Variants in DAB1 observed in about 807,000 individuals in gnomAD.
The protein encoded by DAB1 is disabled homolog 1.
A neutral mutation model predicts 64.6 loss-of-function variants in DAB1; 15 were observed. The ratio of observed to expected loss-of-function variants is 0.23; its 90% confidence interval spans 0.16 to 0.36. The LOEUF (loss-of-function observed/expected upper bound fraction) is 0.36, where lower values mean the gene tolerates loss of function less well. DAB1 is among the 10% of genes least tolerant of loss of function. DAB1 has a pLI of 1.00. For missense variants in DAB1, 596 were observed against 706.7 expected, an observed-to-expected ratio of 0.84 and a Z score of 1.78; for synonymous variants, 235 against 251.9, an observed-to-expected ratio of 0.93 and a Z score of 0.64.
chr1:58,042,254 T>C (rs572767226), intron 5 of DAB1, among the ~76,000 whole-genome samples: 4 of 152,368 alleles, frequency 2.6e-5, no homozygotes, highest in Middle Eastern at 3.4e-3. Flanking sequence ...GAAGCAGGTA[T>C]GATTTAAAGA....
chr1:57,483,539 G>A (rs544907262), intron 7 of DAB1, among the ~76,000 whole-genome samples: 6 of 152,128 alleles, frequency 3.9e-5, no homozygotes, highest in East Asian at 3.9e-4. Context: ...ACCCAGTCTC[G>A]GGTATGTCTT....
chr1:57,647,839 A>G (rs187957772), intron 7 of DAB1, among the ~76,000 whole-genome samples: 122 of 152,348 alleles, frequency 8.0e-4, no homozygotes, highest in Non-Finnish European at 8.5e-4. Flanking sequence ...TCACAGGGGC[A>G]TAATGGCAGA....
intron 1 of DAB1, among the ~76,000 whole-genome samples, chr1:57,370,621 A>C (rs1680421655): frequency 6.6e-6 from 1 of 152,076 alleles, no homozygotes; most frequent in Non-Finnish European, 1.5e-5. Flanking sequence ...CAGAGAAAAA[A>C]AAAAAAACGT....
rs1644204654 is a variant in DAB1 at position 58,365,111 on chromosome 1, G to A, written n.258-21708C>T. Among the ~76,000 whole-genome samples the A allele has an allele frequency of 2.6e-5, 4 of 152,152 alleles. No individual in the cohort carries two copies. In the South Asian group the frequency reaches 8.3e-4, roughly 32 times the overall value. The stretch of plus-strand genomic sequence containing the variant: ...AAATTAGGTTCAATTACTCCAATCA[G>A]TACATTAACCTCCTTCTCTTCTTGG... On this transcript the variant is annotated intron_variant and non_coding_transcript_variant, in intron 3 of 20. Coordinates refer to the DAB1 transcript ENST00000485760.
intron 7 of DAB1, among the ~76,000 whole-genome samples, chr1:57,483,424 T>A (rs1430018171): frequency 6.6e-6 from 1 of 152,200 alleles, no homozygotes; most frequent in Non-Finnish European, 1.5e-5. Context: ...CATTCTCTCT[T>A]GTCTGCTGCC....
chr1:58,498,920 A>G (rs1645849752), intron 3 of DAB1, among the ~76,000 whole-genome samples: 1 of 152,214 alleles, frequency 6.6e-6, no homozygotes, highest in African/African-American at 2.4e-5. Flanking sequence ...TAAATAATTT[A>G]AAGTAAATAC....
At chr1:58,115,911 C>T (rs189266656) in intron 5 of DAB1, among the ~76,000 whole-genome samples, 2,058 of 133,666 alleles carry the variant, frequency 0.015, 52 homozygotes, top group African/African-American at 0.056. Context: ...GTGGGTGCAG[C>T]GCACCAGCAT....
chr1:58,220,907 T>G (rs985973883), intron 4 of DAB1, among the ~76,000 whole-genome samples: 12 of 151,468 alleles, frequency 7.9e-5, no homozygotes, highest in African/African-American at 2.9e-4. Flanking sequence ...ATATTATCAA[T>G]GTGAATACAT....
At position 57,275,593 on chromosome 1, in the gene DAB1, A is replaced by C. The variant is rs563257314; in HGVS notation, c.67+15371T>G. Among the ~76,000 whole-genome samples, 159 of 152,364 alleles carry C rather than the reference A, an allele frequency of 1.0e-3. No homozygotes were observed. The South Asian group carries it at 0.012, about 11-fold the overall frequency. ...TTTTTACATTTCATCGCATTAAAAC[A>C]GATGAACCAAAAAATCAAGACACCA... is the stretch of plus-strand genomic sequence containing the variant. On this transcript the variant is annotated intron_variant, in intron 2 of 14. Coordinates refer to ENST00000371236, the MANE Select transcript of DAB1 (RefSeq NM_001365792.1).
chr1:57,270,680 A>T (rs1670920767), intron 2 of DAB1, among the ~76,000 whole-genome samples: 1 of 152,216 alleles, frequency 6.6e-6, no homozygotes, highest in Non-Finnish European at 1.5e-5. Context: ...GGTGCTGGAC[A>T]CTGACGTAGG....
In DAB1 at chr1:58,226,054, T is replaced by C. The variant is rs1226257701; in HGVS notation, n.310-75466A>G. ...AGCCAGGATTTGGCCTAACTGCTCA[T>C]CTCCAGCTCTTAATTGTGTTGAGCC... On this transcript the variant is annotated intron_variant and non_coding_transcript_variant, in intron 4 of 20. Transcript: ENST00000485760. Among the ~76,000 whole-genome samples the C allele has an allele frequency of 3.3e-5, 5 of 151,424 alleles. No individual in the cohort carries two copies. The East Asian group carries it at 7.8e-4, about 24-fold the overall frequency.
chr1:57,724,708 T>G (rs916692436), intron 6 of DAB1, among the ~76,000 whole-genome samples: 1 of 152,208 alleles, frequency 6.6e-6, no homozygotes, highest in Non-Finnish European at 1.5e-5. Context: ...ACTTCTGCCA[T>G]GAGCAGACCT....
chr1:57,554,004 C>T (rs1644958226), intron 7 of DAB1, among the ~76,000 whole-genome samples: 1 of 152,130 alleles, frequency 6.6e-6, no homozygotes, highest in Admixed American at 6.6e-5. Context: ...GTTGTATCTG[C>T]TGCGTTTTGA....
At chr1:57,723,636 C>T (rs1216506846) in intron 6 of DAB1, among the ~76,000 whole-genome samples, 1 of 152,182 alleles carries the variant, frequency 6.6e-6, no homozygotes, top group Admixed American at 6.5e-5. Context: ...GTCATCAAAG[C>T]AGTTTTGTTT....
At chr1:58,206,401 T>C (rs540672972) in intron 4 of DAB1, among the ~76,000 whole-genome samples, 2 of 152,212 alleles carry the variant, frequency 1.3e-5, no homozygotes, top group Non-Finnish European at 2.9e-5. Context: ...ATTTTTAATC[T>C]CAGTTGCTAT....
chr1:57,191,292 T>C (rs769231604), intron 2 of DAB1, among the ~76,000 whole-genome samples: 2 of 152,194 alleles, frequency 1.3e-5, no homozygotes, highest in Non-Finnish European at 2.9e-5. Flanking sequence ...CGCCCACACC[T>C]GAGAGGCCTC....
At chr1:58,176,984 A>G (rs895718266) in intron 4 of DAB1, among the ~76,000 whole-genome samples, 21 of 152,238 alleles carry the variant, frequency 1.4e-4, no homozygotes, top group Non-Finnish European at 2.9e-5. Flanking sequence ...CTCAATAAAA[A>G]AAAAAAAAAA....
intron 6 of DAB1, among the ~76,000 whole-genome samples, chr1:57,671,866 G>A (rs1646513682): frequency 6.6e-6 from 1 of 151,838 alleles, no homozygotes; most frequent in African/African-American, 2.4e-5. Flanking sequence ...GTATCACTTT[G>A]CACATGGACT....
chr1:58,472,431 G>T (rs1050029461), intron 3 of DAB1, among the ~76,000 whole-genome samples: 1 of 152,076 alleles, frequency 6.6e-6, no homozygotes, highest in Admixed American at 6.6e-5. Context: ...TTTGTCATTA[G>T]CACTTTTCAT....
Sources: gnomAD v4.1 joint callset for allele counts (sites outside exome capture counted in the v4.1 genomes callset) on GRCh38, gnomAD v4.1.1 for gene constraint, MANE v1.5 for transcripts, NCBI Gene and HGNC (gene_info 2026-07-23, HGNC 2026-07-21) for gene names.